Variants in LRFN5 observed in about 807,000 individuals in gnomAD.
LRFN5 encodes leucine-rich repeat and fibronectin type-III domain-containing protein 5.
LRFN5 carries 24 observed loss-of-function variants against 45.6 expected under a neutral mutation model. That is an observed-to-expected ratio of 0.53 (90% CI 0.38 to 0.74). The LOEUF is 0.74. Among genes scored for constraint, LRFN5 ranks in the 30% least tolerant of loss-of-function variants. The probability of loss-of-function intolerance (pLI) is 0.00; values close to 1 mark genes in which losing one functional copy is unlikely to be tolerated. For synonymous variants in LRFN5, 340 were observed against 313.8 expected, an observed-to-expected ratio of 1.08 and a Z score of -0.88; for missense variants, 776 against 861.5, an observed-to-expected ratio of 0.90 and a Z score of 1.24.
In LRFN5 at chr14:41,873,595, G is replaced by A. The variant is rs183049061; in HGVS notation, c.-20-13011G>A. Among the ~76,000 whole-genome samples the A allele has an allele frequency of 1.1e-4, 16 of 152,072 alleles. 1 individual carries two copies. In the East Asian group the frequency reaches 2.9e-3, roughly 28 times the overall value. ...CAGTAAATTCATTTTTTGTCCTTCT[G>A]TATGTGGGTATGCCTTTCTTCTCCC... On this transcript the variant is annotated intron_variant, in intron 2 of 5. Transcript: ENST00000298119.
At chr14:41,895,587 T>G (rs1458659212) in intron 4 of LRFN5, among the ~76,000 whole-genome samples, 1 of 151,882 alleles carries the variant, frequency 6.6e-6, no homozygotes, top group Non-Finnish European at 1.5e-5. Flanking sequence ...ATCCCACCAC[T>G]GCACTCCAGC....
chr14:41,878,944 C>A (rs1319220973), intron 2 of LRFN5, among the ~76,000 whole-genome samples: 1 of 152,040 alleles, frequency 6.6e-6, no homozygotes, highest in African/African-American at 2.4e-5. Context: ...TACATGAGAT[C>A]TTACCTCGTA....
chr14:41,780,319 T>G (rs2036031368), intron 2 of LRFN5, among the ~76,000 whole-genome samples: 1 of 152,062 alleles, frequency 6.6e-6, no homozygotes, highest in South Asian at 2.1e-4. Flanking sequence ...TATAATTTCC[T>G]TTGCATTTCT....
At position 41,891,855 on chromosome 14, in the gene LRFN5, A is replaced by C; in HGVS notation, c.1991A>C (p.Glu664Ala). The C allele has an allele frequency of 6.2e-7, 1 of 1,614,190 alleles. No homozygotes were observed. Among genetic ancestry groups the C allele is most frequent in the Non-Finnish European group, 8.5e-7 (1 of 1,180,036 alleles). Residue 664 changes from glutamate (E) to alanine (A), a missense_variant, in exon 4 of 6, where the codon GAA becomes GCA. Glu to Ala is a moderately radical substitution (Grantham distance 107). Coordinates refer to ENST00000298119, the MANE Select transcript of LRFN5 (RefSeq NM_152447.5). ...EPQNEAVTNV[E>A]SQNTNRNNST... is the part of the protein sequence containing the mutation. The stretch of plus-strand genomic sequence containing the variant: ...CAGAATGAAGCCGTCACAAATGTTG[A>C]ATCCCAAAACACTAACAGGAACAAC...
chr14:41,770,228 T>G (rs958553587), intron 2 of LRFN5, among the ~76,000 whole-genome samples: 1 of 152,162 alleles, frequency 6.6e-6, no homozygotes, highest in Admixed American at 6.5e-5. Context: ...CCTCCCACAT[T>G]GGTGATTACA....
At chr14:41,783,037 A>G (rs889244878) in intron 2 of LRFN5, among the ~76,000 whole-genome samples, 1 of 142,908 alleles carries the variant, frequency 7.0e-6, no homozygotes, top group African/African-American at 2.6e-5. Flanking sequence ...GTGGGTGGAA[A>G]TCCTTTCTCG....
At chr14:41,731,438 T>G (rs1326795513) in intron 1 of LRFN5, 1 of 152,186 alleles carries the variant, frequency 6.6e-6, no homozygotes, top group Non-Finnish European at 1.5e-5. Context: ...AATTTTCATG[T>G]AAAATCTGTG....
intron 2 of LRFN5, among the ~76,000 whole-genome samples, chr14:41,796,609 C>T (rs1018187594): frequency 1.3e-5 from 2 of 151,718 alleles, no homozygotes; most frequent in Non-Finnish European, 2.9e-5. Context: ...TTTTTGTTTG[C>T]ATCTTATTAT....
At chr14:41,642,330 A>G (rs934128952) in intron 1 of LRFN5, among the ~76,000 whole-genome samples, 3 of 151,996 alleles carry the variant, frequency 2.0e-5, no homozygotes, top group African/African-American at 7.2e-5. Flanking sequence ...CCTGAATTCC[A>G]CTCTTTCTCA....
chr14:41,750,213 T>G (rs1046826118), intron 1 of LRFN5, among the ~76,000 whole-genome samples: 3 of 150,586 alleles, frequency 2.0e-5, no homozygotes, highest in Non-Finnish European at 3.0e-5. Context: ...ATCAGTTTTC[T>G]TCTCTCTTAA....
intron 2 of LRFN5, among the ~76,000 whole-genome samples, chr14:41,773,402 G>A (rs1199561543): frequency 1.3e-5 from 2 of 152,004 alleles, no homozygotes; most frequent in African/African-American, 4.8e-5. Context: ...ATATTTTTAT[G>A]TTTTTTTCTT....
chr14:41,874,743 C>T (rs1307674007), intron 2 of LRFN5, among the ~76,000 whole-genome samples: 1 of 152,170 alleles, frequency 6.6e-6, no homozygotes, highest in Non-Finnish European at 1.5e-5. Context: ...CTAATAAAGA[C>T]ATACCCAAGA....
chr14:41,653,252 A>G (rs1842187647), intron 1 of LRFN5, among the ~76,000 whole-genome samples: 1 of 151,920 alleles, frequency 6.6e-6, no homozygotes, highest in Non-Finnish European at 1.5e-5. Context: ...TTATTTTCCT[A>G]AGTGGTATTG....
chr14:41,894,819 A>T (rs948539668), intron 4 of LRFN5: 20 of 980,866 alleles, frequency 2.0e-5, no homozygotes, highest in Non-Finnish European at 6.1e-6. Flanking sequence ...TCTAAATATT[A>T]TATTACCATA....
At position 41,744,835 on chromosome 14, in the gene LRFN5, G is replaced by A. The variant is rs56070822; in HGVS notation, c.-196-22019G>A. Among the ~76,000 whole-genome samples the A allele has an allele frequency of 6.0e-3, 911 of 152,156 alleles. 6 individuals carry two copies. The highest frequency in any genetic ancestry group is 0.018 in the African/African-American group (764 of 41,520). On this transcript the variant is annotated intron_variant, in intron 1 of 5. Transcript: ENST00000298119. ...TAATAAAAGTTGAGCAAGAGTAATA[G>A]AGAAAGAAGACAAAGCAGTTTAAAC... is the stretch of plus-strand genomic sequence containing the variant.
intron 2 of LRFN5, among the ~76,000 whole-genome samples, chr14:41,789,168 C>G (rs74045426): frequency 0.012 from 1,880 of 152,034 alleles, 33 homozygotes; most frequent in African/African-American, 0.042. Flanking sequence ...AAGACCATGT[C>G]TGATAAGTGG....
At chr14:41,894,268 T>C in intron 4 of LRFN5, 1 of 975,532 alleles carries the variant, frequency 1.0e-6, no homozygotes, top group Non-Finnish European at 1.2e-6. Context: ...TTTCCAGTAT[T>C]TTTAAAAATC....
At chr14:41,858,015 C>T (rs2139091243) in intron 2 of LRFN5, among the ~76,000 whole-genome samples, 1 of 152,136 alleles carries the variant, frequency 6.6e-6, no homozygotes, top group African/African-American at 2.4e-5. Context: ...TACATTAGAG[C>T]TAAATTGGAG....
intron 2 of LRFN5, among the ~76,000 whole-genome samples, chr14:41,830,026 A>G (rs1888427601): frequency 6.6e-6 from 1 of 151,252 alleles, no homozygotes; most frequent in Non-Finnish European, 1.5e-5. Context: ...TTGTATCTTA[A>G]TACATAATTA....
Sources: gnomAD v4.1 joint callset for allele counts (sites outside exome capture counted in the v4.1 genomes callset) on GRCh38, gnomAD v4.1.1 for gene constraint, MANE v1.5 for transcripts, NCBI Gene and HGNC (gene_info 2026-07-23, HGNC 2026-07-21) for gene names.